The following AKNA variants were observed in gnomAD, a reference collection of about 807,000 sequenced individuals.
AKNA encodes the protein AT-hook transcription factor, also known as microtubule organization protein AKNA.
Under a neutral mutation model 138.8 loss-of-function variants are expected in AKNA, and 67 were observed. The ratio of observed to expected loss-of-function variants is 0.48; its 90% CI spans 0.40 to 0.59. AKNA has a LOEUF of 0.59. Among genes scored for constraint, AKNA ranks in the 20% least tolerant of loss-of-function variants. AKNA has a pLI of 0.00. For synonymous variants in AKNA, 737 were observed against 754.4 expected, an observed-to-expected ratio of 0.98 and a Z score of 0.38; for missense variants, 1,813 against 1,880.4, an observed-to-expected ratio of 0.96 and a Z score of 0.66.
chr9:114,355,423 C>T (rs1476749154), intron 14 of AKNA, among the ~76,000 whole-genome samples: 4 of 152,144 alleles, frequency 2.6e-5, no homozygotes, highest in South Asian at 4.1e-4. Flanking sequence ...GTGATCCACC[C>T]GCCTCGGCCT....
rs143753614 is a variant in AKNA at position 114,361,542 on chromosome 9, T to C, written c.2124+162A>G. Reference sequence around the variant, plus strand: ...CCCACTGAATCCCTACCATGTGTCATGGTACATGGCACACACTTCATAAAT... The same window carrying C: ...CCCACTGAATCCCTACCATGTGTCACGGTACATGGCACACACTTCATAAAT... On this transcript the variant is annotated intron_variant, in intron 9 of 21. Coordinates refer to ENST00000374088, the MANE Select transcript of AKNA (RefSeq NM_001317950.2). 1.6e-3 allele frequency among the ~76,000 whole-genome samples: 238 copies of C among 152,348 alleles called. 1 individual carries two copies. The Middle Eastern group carries it at 0.017, about 11-fold the overall frequency.
chr9:114,348,725 G>A (rs149489049), intron 15 of AKNA, among the ~76,000 whole-genome samples: 86 of 152,298 alleles, frequency 5.6e-4, no homozygotes, highest in African/African-American at 1.4e-3. Flanking sequence ...TGCTGACACC[G>A]CAGCAGACAA....
chr9:114,373,717 A>G (rs1297247560), intron 4 of AKNA, among the ~76,000 whole-genome samples: 1 of 144,664 alleles, frequency 6.9e-6, no homozygotes, highest in East Asian at 2.0e-4. Context: ...CGTCTCTACA[A>G]AACATTGAAA....
At chr9:114,356,757 A>G (rs1831527302) in intron 13 of AKNA, 106 bp downstream of exon 13, 1 of 1,001,572 alleles carries the variant, frequency 1.0e-6, no homozygotes, top group African/African-American at 1.7e-5. Flanking sequence ...AGGGCCTACG[A>G]ATGGACAGAC....
In AKNA at chr9:114,377,078, G is replaced by A. The variant is rs1833285796; in HGVS notation, c.729C>T (p.Leu243=). Reference sequence around the variant, plus strand: ...CTCCAGTTCTGCCATCTGGGCTTAGGAGGTGGTGGCTGGGGCCCTCTGGCA... The same window carrying A: ...CTCCAGTTCTGCCATCTGGGCTTAGAAGGTGGTGGCTGGGGCCCTCTGGCA... ...ETLPEGPSHH[L]LSPDGRTGGS... The change falls in exon 3 of 22, where the codon CTC becomes CTT. Residue 243 remains leucine (L), a synonymous_variant. Transcript: ENST00000374088. 3 of 1,614,146 alleles carry A rather than the reference G, an allele frequency of 1.9e-6. No individual in the cohort carries two copies. The highest frequency in any genetic ancestry group is 1.3e-5 in the African/African-American group (1 of 75,056).
downstream of AKNA, chr9:114,331,583 T>C (rs1289806868): frequency 6.2e-7 from 1 of 1,613,892 alleles, no homozygotes; most frequent in Non-Finnish European, 8.5e-7. Flanking sequence ...GCCGAGAACA[T>C]GTTGCTCACC....
chr9:114,361,709 G>A lies in AKNA; in HGVS notation c.2119C>T (p.Pro707Ser), dbSNP rs1376314937. The A allele has an allele frequency of 6.2e-7, 1 of 1,613,058 alleles. No homozygotes were observed. ...APMPAIKTSC[P>S]EPATTTAAAS... ...ATGGTTGAGCCAAGAGGTACCTCAG[G>A]GCAGGAGGTCTTGATGGCTGGCATG... is the stretch of plus-strand genomic sequence containing the variant. The change falls in exon 9 of 22, where the codon CCT becomes TCT. Residue 707 changes from proline to serine, a missense_variant. By Grantham distance (74) the Pro-to-Ser change is moderately conservative. Coordinates refer to ENST00000374088, the MANE Select transcript of AKNA (RefSeq NM_001317950.2).
rs62640059 is a variant in AKNA, at chr9:114,347,812, T to C, written c.3310A>G (p.Thr1104Ala). 17 of 1,551,772 alleles carry C rather than the reference T, an allele frequency of 1.1e-5. 1 individual carries two copies. Among genetic ancestry groups the C allele is most frequent in the Middle Eastern group, 3.3e-4 (2 of 6,002 alleles). ...CGGTCAAAGGCAGATGCTGGGCGTG[T>C]CGGGCTGCCCTGGAGTGGCTGGTGC... The part of the protein sequence containing the change: ...SLHQPLQGSP[T>A]RPASAFDRPA... Residue 1104 changes from threonine (T) to alanine (A), a missense_variant, in exon 16 of 22, where the codon ACA becomes GCA. Coordinates refer to ENST00000374088, the MANE Select transcript of AKNA (RefSeq NM_001317950.2).
At chr9:114,362,341 GGAGACT>G in intron 8 of AKNA, 59 bp downstream of exon 8, 2 of 1,530,160 alleles carry the variant, frequency 1.3e-6, no homozygotes, top group Non-Finnish European at 1.8e-6. Context: ...CCTCCCTCCT[GGAGACT>G]GAGGGACCCC....
At chr9:114,338,834 C>A (rs748821563) in intron 21 of AKNA, among the ~76,000 whole-genome samples, 4 of 152,202 alleles carry the variant, frequency 2.6e-5, no homozygotes, top group Non-Finnish European at 4.4e-5. Flanking sequence ...ACGTGAGCTC[C>A]TAAGACCCAG....
In AKNA at chr9:114,358,052, C is replaced by G. The variant is rs41312192; in HGVS notation, c.2608G>C (p.Val870Leu). 48 of 1,611,862 alleles carry G rather than the reference C, an allele frequency of 3.0e-5. No homozygotes were observed. Among genetic ancestry groups the G allele is most frequent in the Non-Finnish European group, 4.1e-5 (48 of 1,178,712 alleles). ...KAEAAPPGPG[V>L]PPHPPGTKSA... is the part of the protein sequence containing the mutation. ...TTGGTGCCTGGAGGGTGGGGTGGCA[C>G]GCCAGGGCCTGGAGGGGCTGCCTCA... The change falls in exon 12 of 22, where the codon GTG becomes CTG. Residue 870 changes from valine (V) to leucine (L), a missense_variant. Transcript: ENST00000374088.
chr9:114,381,528 C>T (rs1037638760), intron 1 of AKNA, 82 bp from the exon 2 acceptor site: 1 of 1,258,240 alleles, frequency 7.9e-7, no homozygotes, highest in Non-Finnish European at 1.0e-6. Context: ...CCAGCAGGAA[C>T]TCTGGAATTA....
intron 21 of AKNA, among the ~76,000 whole-genome samples, chr9:114,339,279 G>A (rs1033138802): frequency 6.6e-6 from 1 of 152,186 alleles, no homozygotes; most frequent in Admixed American, 6.5e-5. Context: ...CGGCTGCCCA[G>A]CAGGGGGCAG....
chr9:114,337,013 G>GGGGGGGGGGGGC lies in AKNA; in HGVS notation c.*40_*41insGCCCCCCCCCCC. 1.3e-5 allele frequency: 16 copies of GGGGGGGGGGGGC among 1,185,366 alleles called. No homozygotes were observed. The highest frequency in any genetic ancestry group is 2.5e-5 in the South Asian group (1 of 40,612). 73.4% of individuals were successfully genotyped at this position (1,185,366 alleles called of 1,614,324 possible). On this transcript the variant is annotated 3_prime_UTR_variant, in exon 22 of 22. Transcript: ENST00000374088. ...CCACTCCTGGCCTGGCAGGCCACCT[G>GGGGGGGGGGGGC]CCCACCCACCCACCCATCTGCCTCT...
chr9:114,388,879 C>T (rs745444732), upstream of AKNA, among the ~76,000 whole-genome samples: 8 of 152,272 alleles, frequency 5.3e-5, no homozygotes, highest in Admixed American at 1.3e-4. Flanking sequence ...GACTGGGTGA[C>T]GATCCGTGTC....
Position 114,359,413 on chromosome 9 carries a change from T to C in AKNA, c.2492+181A>G, listed in dbSNP as rs539877404. On this transcript the variant is annotated intron_variant, in intron 11 of 21. Transcript: ENST00000374088. ...ACTGCATGTGTCCTACTGAAAATCA[T>C]GTCCCACACTACCCAAAATCATTTC... 32 of 1,208,572 alleles carry C rather than the reference T, an allele frequency of 2.6e-5. No homozygotes were observed. The Admixed American group carries it at 3.2e-4, about 12-fold the overall frequency. 74.9% of individuals were successfully genotyped at this position (1,208,572 alleles called of 1,614,324 possible). A position where few individuals can be genotyped will look rare whatever the true frequency, so the allele number is the denominator to read the frequency against.
intron 2 of AKNA, among the ~76,000 whole-genome samples, chr9:114,378,780 A>G (rs1414410994): frequency 1.3e-5 from 2 of 152,156 alleles, no homozygotes; most frequent in African/African-American, 4.8e-5. Context: ...TCATCCATGC[A>G]TCTAACCACC....
At chr9:114,394,708 G>A (rs1834475098), upstream of AKNA, among the ~76,000 whole-genome samples, 1 of 152,208 alleles carries the variant, frequency 6.6e-6, no homozygotes, top group African/African-American at 2.4e-5. Context: ...GTTCAGAGAG[G>A]TTACACAACT....
upstream of AKNA, among the ~76,000 whole-genome samples, chr9:114,390,032 C>T (rs1485661183): frequency 6.6e-6 from 1 of 152,122 alleles, no homozygotes; most frequent in Non-Finnish European, 1.5e-5. Context: ...GGGCGGGCTC[C>T]CCTGACACCC....
Sources: allele counts gnomAD v4.1 joint callset (sites outside exome capture counted in the v4.1 genomes callset), GRCh38; gene constraint gnomAD v4.1.1; transcripts MANE v1.5; gene names NCBI Gene and HGNC (gene_info 2026-07-23, HGNC 2026-07-21).